The following EBPL variants were observed in gnomAD, a reference collection of about 807,000 sequenced individuals.
EBPL encodes the protein emopamil-binding protein-like.
In EBPL, 20 loss-of-function variants were observed where a neutral mutation model predicts 19.0. The ratio of observed to expected loss-of-function variants is 1.05; its 90% confidence interval spans 0.74 to 1.53. The LOEUF is 1.53. EBPL is among the 40% of genes most tolerant of loss of function. The probability of loss-of-function intolerance (pLI) is 0.00; values close to 1 mark genes in which losing one functional copy is unlikely to be tolerated. For synonymous variants in EBPL, 107 were observed against 117.0 expected, an observed-to-expected ratio of 0.91 and a Z score of 0.55; for missense variants, 219 against 261.1, an observed-to-expected ratio of 0.84 and a Z score of 1.11.
At chr13:49,684,623 T>G (rs949779294) in intron 1 of EBPL, among the ~76,000 whole-genome samples, 3 of 152,152 alleles carry the variant, frequency 2.0e-5, no homozygotes, top group African/African-American at 7.2e-5. Context: ...TGTGGCGAGC[T>G]GAGATCGCGC....
intron 1 of EBPL, among the ~76,000 whole-genome samples, chr13:49,677,715 C>A (rs936105882): frequency 6.6e-6 from 1 of 152,186 alleles, no homozygotes; most frequent in African/African-American, 2.4e-5. Flanking sequence ...TCAAGATCAG[C>A]CTGGCCAACA....
At chr13:49,661,974 G>A in intron 3 of EBPL, 3 of 1,463,088 alleles carry the variant, frequency 2.1e-6, no homozygotes, top group Non-Finnish European at 2.8e-6. Context: ...TAGTCTCTGA[G>A]TCTGATAGGA....
intron 1 of EBPL, among the ~76,000 whole-genome samples, chr13:49,686,143 C>A (rs553807912): frequency 9.8e-5 from 15 of 152,352 alleles, no homozygotes; most frequent in Admixed American, 3.9e-4. Context: ...AAGCAACAAC[C>A]AGGCAGAGGT....
Position 49,679,731 on chromosome 13 carries a change from C to T in EBPL, c.172-9885G>A, listed in dbSNP as rs74819724. 8.9e-3 allele frequency among the ~76,000 whole-genome samples: 1,360 copies of T among 152,088 alleles called. 7 individuals carry two copies. The highest frequency in any genetic ancestry group is 0.031 in the Middle Eastern group (9 of 294). On this transcript the variant is annotated intron_variant, in intron 1 of 3. Transcript: ENST00000242827. ...TGTGGTTGAGGTTGGTCTAGAACTC[C>T]TTGGCTCAAGCGCCTCCTCCCTCAG...
chr13:49,679,925 A>G (rs543135942), intron 1 of EBPL, among the ~76,000 whole-genome samples: 1 of 152,198 alleles, frequency 6.6e-6, no homozygotes, highest in Non-Finnish European at 1.5e-5. Flanking sequence ...TGAATGAATA[A>G]GTAATAAGGA....
At chr13:49,667,959 G>A (rs1006757816) in intron 2 of EBPL, among the ~76,000 whole-genome samples, 3 of 152,226 alleles carry the variant, frequency 2.0e-5, no homozygotes, top group East Asian at 1.9e-4. Context: ...GGGGAGAAGA[G>A]GACACTCAGC....
chr13:49,675,085 G>A (rs539002982), intron 1 of EBPL, among the ~76,000 whole-genome samples: 3 of 152,272 alleles, frequency 2.0e-5, no homozygotes, highest in African/African-American at 4.8e-5. Flanking sequence ...GCCTCACAAC[G>A]GTGATACGCT....
rs565115273 is a variant in EBPL at position 49,663,229 on chromosome 13, C to T, written c.242-34G>A. On this transcript the variant is annotated intron_variant, in intron 2 of 3. Transcript: ENST00000242827. ...AAAATCCATGTTGTTACTCAAATGGCAACAATTTTTATGACAGTTCATGGA... is the reference window on the plus strand; with the variant it reads ...AAAATCCATGTTGTTACTCAAATGGTAACAATTTTTATGACAGTTCATGGA... The T allele has an allele frequency of 1.4e-4, 219 of 1,609,468 alleles. 2 individuals carry two copies. In the South Asian group the frequency reaches 2.2e-3, roughly 16 times the overall value.
In EBPL at chr13:49,691,267, AC is replaced by A; in HGVS notation, c.157del (p.Val53CysfsTer14). 1 of 1,399,772 alleles carries A rather than the reference AC, an allele frequency of 7.1e-7. No individual in the cohort carries two copies. Among genetic ancestry groups the A allele is most frequent in the South Asian group, 1.8e-5 (1 of 54,978 alleles). 86.7% of individuals were successfully genotyped at this position (1,399,772 alleles called of 1,614,324 possible). A position where few individuals can be genotyped will look rare whatever the true frequency, so the allele number is the denominator to read the frequency against. On this transcript the variant is annotated frameshift_variant, in exon 1 of 4. Transcript: ENST00000242827. LOFTEE classifies it high-confidence loss of function. ...GATGGCACTTACCAGCGCGAAGTGC[AC>A]CAGCGCGTCGTAGCAGAGCCAGATG... ...ALIWLCYDAL[V>X]HFALEGPFVY...
chr13:49,669,044 C>T (rs12858548), intron 2 of EBPL, among the ~76,000 whole-genome samples: 71,155 of 151,522 alleles, frequency 0.47, 18,594 homozygotes, highest in Non-Finnish European at 0.6. Context: ...CACGCCCAGC[C>T]AATTTTTTAT....
Position 49,668,407 on chromosome 13 carries a change from A to G in EBPL, c.241+1370T>C, listed in dbSNP as rs561115944. The G allele has an allele frequency of 1.9e-4, 48 of 248,610 alleles. No homozygotes were observed. The East Asian group carries it at 7.8e-3, about 41-fold the overall frequency. 15.4% of individuals were successfully genotyped at this position (248,610 alleles called of 1,614,324 possible). A position where few individuals can be genotyped will look rare whatever the true frequency, so the allele number is the denominator to read the frequency against. ...GCTAACATGGTGAAACCCCGTCTCT[A>G]CTAAAAATACAAAAAAATTAGCTAG... On this transcript the variant is annotated intron_variant, in intron 2 of 3. Coordinates refer to ENST00000242827, the MANE Select transcript of EBPL (RefSeq NM_032565.5).
At chr13:49,691,185 A>G (rs1954059579) in intron 1 of EBPL, 69 bp downstream of exon 1, 1 of 1,234,512 alleles carries the variant, frequency 8.1e-7, no homozygotes, top group Non-Finnish European at 1.0e-6. Context: ...GGACCCCCTC[A>G]CCCCGCCTTG....
At chr13:49,662,400 T>C (rs537369875) in intron 3 of EBPL, among the ~76,000 whole-genome samples, 47 of 152,216 alleles carry the variant, frequency 3.1e-4, no homozygotes, top group Non-Finnish European at 5.6e-4. Context: ...ATTTACTTTT[T>C]GTCAAGTGGG....
intron 1 of EBPL, among the ~76,000 whole-genome samples, chr13:49,686,083 T>C (rs1225872602): frequency 6.6e-6 from 1 of 152,180 alleles, no homozygotes; most frequent in African/African-American, 2.4e-5. Context: ...ACAGCTGTGC[T>C]TCACCCTGCA....
chr13:49,681,365 A>G (rs1194335338), intron 1 of EBPL, among the ~76,000 whole-genome samples: 1 of 152,134 alleles, frequency 6.6e-6, no homozygotes, highest in Non-Finnish European at 1.5e-5. Context: ...ATCTCGGCTC[A>G]CTACAACCTC....
chr13:49,680,874 A>G (rs1257489437), intron 1 of EBPL, among the ~76,000 whole-genome samples: 1 of 152,138 alleles, frequency 6.6e-6, no homozygotes, highest in Admixed American at 6.6e-5. Context: ...GATACATGTT[A>G]AAGTTAAAAA....
At position 49,668,436 on chromosome 13, in the gene EBPL, T is replaced by C. The variant is rs547398055; in HGVS notation, c.241+1341A>G. The C allele has an allele frequency of 1.8e-4, 43 of 234,242 alleles. No individual in the cohort carries two copies. In the East Asian group the frequency reaches 7.4e-3, roughly 40 times the overall value. 14.5% of individuals were successfully genotyped at this position (234,242 alleles called of 1,614,324 possible). A position where few individuals can be genotyped will look rare whatever the true frequency, so the allele number is the denominator to read the frequency against. ...AAAATACAAAAAAATTAGCTAGGCG[T>C]GGTGGCGGGCGCCTGTAGTCCCAGC... On this transcript the variant is annotated intron_variant, in intron 2 of 3. Transcript: ENST00000242827.
chr13:49,663,667 G>A (rs1460330558), intron 2 of EBPL, among the ~76,000 whole-genome samples: 2 of 152,220 alleles, frequency 1.3e-5, no homozygotes, highest in Non-Finnish European at 2.9e-5. Context: ...GCCAGGCACG[G>A]TGGCTCACAC....
intron 1 of EBPL, among the ~76,000 whole-genome samples, chr13:49,689,224 A>C (rs1408303176): frequency 6.6e-6 from 1 of 152,194 alleles, no homozygotes; most frequent in Admixed American, 6.5e-5. Flanking sequence ...GCACAAAAGG[A>C]GGTGTGTGTC....
Sources: allele counts gnomAD v4.1 joint callset (sites outside exome capture counted in the v4.1 genomes callset), GRCh38; gene constraint gnomAD v4.1.1; transcripts MANE v1.5; gene names NCBI Gene and HGNC (gene_info 2026-07-23, HGNC 2026-07-21).